The following RAPGEF4 variants were observed in gnomAD, a reference collection of about 807,000 sequenced individuals.
The protein encoded by RAPGEF4 is Rap guanine nucleotide exchange factor 4.
RAPGEF4 carries 66 observed loss-of-function variants against 147.9 expected under a neutral mutation model. The observed-to-expected ratio is 0.45, with a 90% confidence interval of 0.37 to 0.55. The LOEUF (loss-of-function observed/expected upper bound fraction) is 0.55. Among genes scored for constraint, RAPGEF4 ranks in the 20% least tolerant of loss-of-function variants. The probability of loss-of-function intolerance (pLI) is 0.00; values close to 1 mark genes in which losing one functional copy is unlikely to be tolerated. For missense variants in RAPGEF4, 1,071 were observed against 1,257.3 expected, an observed-to-expected ratio of 0.85 and a Z score of 2.24; for synonymous variants, 419 against 442.7, an observed-to-expected ratio of 0.95 and a Z score of 0.67.
chr2:173,011,838 A>T (rs1388129902), intron 17 of RAPGEF4, among the ~76,000 whole-genome samples: 8 of 143,618 alleles, frequency 5.6e-5, no homozygotes, highest in African/African-American at 2.1e-4. Flanking sequence ...AAACCACATT[A>T]GCAGACTCCG....
At chr2:172,913,911 G>A (rs1407550377) in intron 4 of RAPGEF4, among the ~76,000 whole-genome samples, 1 of 152,026 alleles carries the variant, frequency 6.6e-6, no homozygotes, top group Non-Finnish European at 1.5e-5. Context: ...GACAATCCTG[G>A]TTACTACTTT....
In RAPGEF4 at chr2:172,858,707, C is replaced by T. The variant is rs147231483; in HGVS notation, c.444+44282C>T. Reference sequence around the variant, plus strand: ...ATAATTTATCTGGATGTTTGTGGAGCAGTTAAGTATAACCAAGTTTTAGAG... The same window carrying T: ...ATAATTTATCTGGATGTTTGTGGAGTAGTTAAGTATAACCAAGTTTTAGAG... On this transcript the variant is annotated intron_variant, in intron 4 of 30. Transcript: ENST00000397081. Among the ~76,000 whole-genome samples, 7 of 152,284 alleles carry T rather than the reference C, an allele frequency of 4.6e-5. No individual in the cohort carries two copies. The East Asian group carries it at 1.3e-3, about 29-fold the overall frequency.
At chr2:172,768,919 C>A (rs529550321) in intron 1 of RAPGEF4, among the ~76,000 whole-genome samples, 1 of 152,204 alleles carries the variant, frequency 6.6e-6, no homozygotes, top group Admixed American at 6.5e-5. Context: ...CACAGCTCTC[C>A]GTGTACTCTC....
intron 6 of RAPGEF4, among the ~76,000 whole-genome samples, chr2:172,955,255 T>G (rs1044149936): frequency 1.1e-4 from 17 of 152,218 alleles, no homozygotes; most frequent in African/African-American, 3.6e-4. Context: ...CATCTTGTAA[T>G]GGAGGCTAAA....
intron 4 of RAPGEF4, among the ~76,000 whole-genome samples, chr2:172,876,100 C>T (rs1374011362): frequency 6.6e-6 from 1 of 152,050 alleles, no homozygotes; most frequent in Non-Finnish European, 1.5e-5. Context: ...GATTTTGTAT[C>T]CTGAGACTTT....
intron 29 of RAPGEF4, among the ~76,000 whole-genome samples, chr2:173,046,092 CG>C (rs1169929568): frequency 1.4e-4 from 21 of 152,256 alleles, no homozygotes; most frequent in African/African-American, 4.6e-4. Flanking sequence ...CATTATTGTC[CG>C]GACCTCACAA....
intron 4 of RAPGEF4, among the ~76,000 whole-genome samples, chr2:172,867,355 T>A (rs1694767546): frequency 6.6e-6 from 1 of 152,238 alleles, no homozygotes; most frequent in South Asian, 2.1e-4. Context: ...GCAGTTGGCT[T>A]CTTTGTTTCC....
chr2:172,981,305 G>A (rs544477879), intron 10 of RAPGEF4, among the ~76,000 whole-genome samples: 99 of 152,292 alleles, frequency 6.5e-4, no homozygotes, highest in Non-Finnish European at 3.5e-4. Context: ...TGAGACTTTC[G>A]CATTAGCTGC....
At chr2:172,762,957 T>A (rs1442597769) in intron 1 of RAPGEF4, among the ~76,000 whole-genome samples, 1 of 152,194 alleles carries the variant, frequency 6.6e-6, no homozygotes, top group African/African-American at 2.4e-5. Context: ...TTATGAGAAT[T>A]GAGTGGTGAA....
At chr2:173,017,112 C>T (rs1044525417) in intron 19 of RAPGEF4, 62 bp from the exon 20 acceptor site, 4 of 1,491,350 alleles carry the variant, frequency 2.7e-6, no homozygotes, top group South Asian at 1.1e-5. Context: ...TAGTTATATA[C>T]AAATAAGGCA....
intron 10 of RAPGEF4, 86 bp downstream of exon 10, chr2:172,967,530 C>T: frequency 7.2e-7 from 1 of 1,383,036 alleles, no homozygotes; most frequent in East Asian, 2.5e-5. Flanking sequence ...CAAGGCTGCT[C>T]TCAAAAGCCC....
chr2:173,047,484 A>G (rs6742219), intron 29 of RAPGEF4, among the ~76,000 whole-genome samples: 38,480 of 152,152 alleles, frequency 0.25, 5,191 homozygotes, highest in East Asian at 0.6. Context: ...AATAGTCACA[A>G]TGCAATGTGA....
intron 4 of RAPGEF4, among the ~76,000 whole-genome samples, chr2:172,905,310 G>A (rs1191505369): frequency 6.6e-6 from 1 of 152,148 alleles, no homozygotes; most frequent in African/African-American, 2.4e-5. Context: ...CAAGGCCTGG[G>A]AGGGGTCCAC....
chr2:172,985,355 C>T (rs1376049455), intron 11 of RAPGEF4, 78 bp from the exon 12 acceptor site: 3 of 1,599,896 alleles, frequency 1.9e-6, no homozygotes, highest in South Asian at 1.1e-5. Flanking sequence ...TTGCATTGTG[C>T]CCCCAGAAAG....
chr2:172,933,604 G>A (rs1686215763), intron 6 of RAPGEF4, among the ~76,000 whole-genome samples: 1 of 152,062 alleles, frequency 6.6e-6, no homozygotes, highest in African/African-American at 2.4e-5. Context: ...ACATGCCCGG[G>A]GCATGAATGA....
intron 5 of RAPGEF4, among the ~76,000 whole-genome samples, chr2:172,918,371 CCA>C (rs377074360): frequency 0.031 from 4,307 of 137,646 alleles, 86 homozygotes; most frequent in Middle Eastern, 0.049. Context: ...GATGCTCTTA[CCA>C]CACACACACA....
intron 4 of RAPGEF4, among the ~76,000 whole-genome samples, chr2:172,841,644 C>G (rs1213236163): frequency 6.6e-6 from 1 of 152,150 alleles, no homozygotes; most frequent in Admixed American, 6.5e-5. Context: ...TTTCTAAATA[C>G]TCCTATATTC....
chr2:172,741,343 G>C (rs1694276304), intron 1 of RAPGEF4, among the ~76,000 whole-genome samples: 1 of 152,184 alleles, frequency 6.6e-6, no homozygotes, highest in Admixed American at 6.5e-5. Context: ...GCCCTGACTA[G>C]AGAAGGTGCT....
intron 4 of RAPGEF4, among the ~76,000 whole-genome samples, chr2:172,820,833 T>G (rs1239467795): frequency 6.6e-6 from 1 of 152,248 alleles, no homozygotes; most frequent in Non-Finnish European, 1.5e-5. Context: ...TCTATAAGAT[T>G]CTACCAGATA....
Sources: gnomAD v4.1 joint callset for allele counts (sites outside exome capture counted in the v4.1 genomes callset) on GRCh38, gnomAD v4.1.1 for gene constraint, MANE v1.5 for transcripts, NCBI Gene and HGNC (gene_info 2026-07-23, HGNC 2026-07-21) for gene names.